Variants in SAE1 observed in about 807,000 individuals in gnomAD.
SAE1 encodes SUMO1 activating enzyme subunit 1.
In SAE1, 11 loss-of-function variants were observed where a neutral mutation model predicts 40.6. The observed-to-expected ratio is 0.27, with a 90% CI of 0.17 to 0.45. SAE1 has a LOEUF of 0.45. SAE1 is among the 20% of genes least tolerant of loss of function. SAE1 has a pLI of 1.00. For missense variants in SAE1, 373 were observed against 427.3 expected, an observed-to-expected ratio of 0.87 and a Z score of 1.12; for synonymous variants, 155 against 154.3, an observed-to-expected ratio of 1.00 and a Z score of -0.03.
At chr19:47,165,120 C>G (rs141134571) in intron 5 of SAE1, among the ~76,000 whole-genome samples, 2,149 of 114,016 alleles carry the variant, frequency 0.019, 53 homozygotes, top group African/African-American at 0.068. Flanking sequence ...GTCTTGCTCT[C>G]TTGCCCAGGC....
chr19:47,191,082 T>C (rs2058575014), intron 6 of SAE1, among the ~76,000 whole-genome samples: 1 of 152,224 alleles, frequency 6.6e-6, no homozygotes, highest in East Asian at 1.9e-4. Flanking sequence ...CCAAGTCATT[T>C]AATGTTTCTG....
At chr19:47,154,987 C>T (rs2058312161) in intron 4 of SAE1, 127 bp from the exon 5 acceptor site, 6 of 662,780 alleles carry the variant, frequency 9.1e-6, no homozygotes, top group African/African-American at 1.8e-5. Flanking sequence ...CGATTTGAAC[C>T]GAGATCTGAC....
At chr19:47,181,671 G>T (rs995800195) in intron 6 of SAE1, among the ~76,000 whole-genome samples, 3 of 150,598 alleles carry the variant, frequency 2.0e-5, no homozygotes, top group African/African-American at 7.3e-5. Flanking sequence ...TAGAGATGGG[G>T]TTTCGCCATG....
chr19:47,177,291 C>T (rs1332430875), intron 6 of SAE1, among the ~76,000 whole-genome samples: 1 of 152,202 alleles, frequency 6.6e-6, no homozygotes, highest in African/African-American at 2.4e-5. Flanking sequence ...ACAAATAATT[C>T]TACTCCTTGT....
intron 4 of SAE1, among the ~76,000 whole-genome samples, chr19:47,153,712 A>G (rs1008337140): frequency 3.9e-5 from 6 of 152,172 alleles, no homozygotes; most frequent in Admixed American, 2.6e-4. Flanking sequence ...TGGGGGAAGG[A>G]CAGTCATGTT....
At chr19:47,169,950 C>T (rs781411028) in intron 6 of SAE1, 27 bp downstream of exon 6, 48 of 1,546,274 alleles carry the variant, frequency 3.1e-5, no homozygotes, top group Middle Eastern at 1.7e-4. Flanking sequence ...CAACTTACCC[C>T]GGGAGAGCTT....
At chr19:47,170,719 C>T (rs1227939504) in intron 6 of SAE1, among the ~76,000 whole-genome samples, 2 of 152,044 alleles carry the variant, frequency 1.3e-5, no homozygotes, top group Non-Finnish European at 2.9e-5. Flanking sequence ...TGTAGCCAGG[C>T]TGGACTTGAA....
intron 8 of SAE1, among the ~76,000 whole-genome samples, chr19:47,205,528 C>T (rs561335939): frequency 6.6e-6 from 1 of 152,214 alleles, no homozygotes; most frequent in East Asian, 1.9e-4. Context: ...TATGCCCAAT[C>T]TGAGAAGAGG....
chr19:47,203,654 G>C lies in SAE1; in HGVS notation c.879-17G>C, dbSNP rs770207339. The C allele has an allele frequency of 2.5e-6, 4 of 1,612,614 alleles. No homozygotes were observed. In the African/African-American group the frequency reaches 4.0e-5, roughly 16 times the overall value. On this transcript the variant is annotated splice_polypyrimidine_tract_variant and intron_variant, in intron 7 of 8. Transcript: ENST00000270225. ...CTGTTCCCAGTGCTCCATTTTCCTTGTCTTCCTCTCTTTTAGGTACTGCTT... is the reference window on the plus strand; with the variant it reads ...CTGTTCCCAGTGCTCCATTTTCCTTCTCTTCCTCTCTTTTAGGTACTGCTT...
intron 1 of SAE1, among the ~76,000 whole-genome samples, chr19:47,133,024 G>C (rs2058156162): frequency 6.6e-6 from 1 of 152,198 alleles, no homozygotes; most frequent in Admixed American, 6.6e-5. Flanking sequence ...ACTTATATGG[G>C]AAAGAGCCCT....
At chr19:47,146,326 G>A (rs992657480) in intron 2 of SAE1, among the ~76,000 whole-genome samples, 1 of 152,124 alleles carries the variant, frequency 6.6e-6, no homozygotes, top group Non-Finnish European at 1.5e-5. Context: ...GGCTTTATGT[G>A]TAGATCAGTA....
chr19:47,175,240 A>T (rs1173862627), intron 6 of SAE1, among the ~76,000 whole-genome samples: 1 of 148,410 alleles, frequency 6.7e-6, no homozygotes, highest in African/African-American at 2.5e-5. Flanking sequence ...TCTTGTTTCC[A>T]TGTTCCTGGC....
chr19:47,185,569 G>A (rs963489755), intron 6 of SAE1, among the ~76,000 whole-genome samples: 1 of 152,030 alleles, frequency 6.6e-6, no homozygotes, highest in East Asian at 1.9e-4. Context: ...GTCTACCAAA[G>A]TGCTGGGATT....
rs1443984562 is a variant in SAE1, at chr19:47,148,760, G to A, written c.211-1442G>A. On this transcript the variant is annotated intron_variant, in intron 2 of 8. Transcript: ENST00000270225. ...CTCCCGAGTAGCTGGAATTACAGGC[G>A]TGTGCCACCACGTCCGGCTAATTTT... 2.0e-5 allele frequency among the ~76,000 whole-genome samples: 3 copies of A among 151,454 alleles called. 1 individual carries two copies. The highest frequency in any genetic ancestry group is 2.9e-5 in the Non-Finnish European group (2 of 67,798).
At chr19:47,158,475 G>A (rs1472633621) in intron 5 of SAE1, among the ~76,000 whole-genome samples, 1 of 152,192 alleles carries the variant, frequency 6.6e-6, no homozygotes, top group Non-Finnish European at 1.5e-5. Flanking sequence ...AGGAGCCAGA[G>A]GAGACAGCAA....
chr19:47,168,982 C>T (rs995824184), intron 5 of SAE1, among the ~76,000 whole-genome samples: 1 of 152,182 alleles, frequency 6.6e-6, no homozygotes, highest in African/African-American at 2.4e-5. Context: ...AGGTCCTAGC[C>T]ATCCTTCTGC....
intron 6 of SAE1, among the ~76,000 whole-genome samples, chr19:47,191,076 G>C (rs1460934042): frequency 6.6e-6 from 1 of 152,216 alleles, no homozygotes; most frequent in Non-Finnish European, 1.5e-5. Flanking sequence ...CAGTGACCAA[G>C]TCATTTAATG....
At chr19:47,137,756 TCTCA>T (rs1680773826) in intron 1 of SAE1, among the ~76,000 whole-genome samples, 1 of 145,692 alleles carries the variant, frequency 6.9e-6, no homozygotes, top group African/African-American at 2.5e-5. Context: ...TGTGATGGAC[TCTCA>T]CTCTGTCGCC....
intron 6 of SAE1, among the ~76,000 whole-genome samples, chr19:47,177,381 C>T (rs2058476273): frequency 6.6e-6 from 1 of 152,118 alleles, no homozygotes; most frequent in African/African-American, 2.4e-5. Context: ...CCCCCCAAAA[C>T]AGGGTCTTGC....
Sources: gnomAD v4.1 joint callset for allele counts (sites outside exome capture counted in the v4.1 genomes callset) on GRCh38, gnomAD v4.1.1 for gene constraint, MANE v1.5 for transcripts, NCBI Gene and HGNC (gene_info 2026-07-23, HGNC 2026-07-21) for gene names.